SYT16: variants seen among roughly 807,000 people sequenced by gnomAD.
The protein encoded by SYT16 is synaptotagmin 16, also known as synaptotagmin-16.
In SYT16, 42 loss-of-function variants were observed where a neutral mutation model predicts 61.4. That is an observed-to-expected ratio of 0.68 (90% CI 0.53 to 0.89). The LOEUF (loss-of-function observed/expected upper bound fraction) is 0.89. Ranked by LOEUF, SYT16 falls within the 40% of genes least tolerant of loss-of-function variation. The probability of loss-of-function intolerance (pLI) is 0.00; values close to 1 mark genes in which losing one functional copy is unlikely to be tolerated. For missense variants in SYT16, 804 were observed against 807.3 expected (o/e 1.00, Z 0.05); for synonymous variants, 314 against 302.3 (o/e 1.04, Z -0.40).
chr14:61,859,676 T>C (rs2046907769), intron 1 of SYT16, among the ~76,000 whole-genome samples: 1 of 151,866 alleles, frequency 6.6e-6, no homozygotes, highest in Admixed American at 6.6e-5. Context: ...CCCCAGACAA[T>C]GTAGCCTCCT....
At chr14:62,057,973 T>C (rs1249169959) in intron 3 of SYT16, among the ~76,000 whole-genome samples, 6 of 152,208 alleles carry the variant, frequency 3.9e-5, no homozygotes, top group African/African-American at 1.4e-4. Context: ...ATGGATCTAT[T>C]TTCTGTCACT....
intron 4 of SYT16, among the ~76,000 whole-genome samples, chr14:62,071,486 A>G (rs964485189): frequency 2.6e-5 from 4 of 152,236 alleles, no homozygotes; most frequent in African/African-American, 9.6e-5. Flanking sequence ...TAAAGAGGAA[A>G]AAAATCTACT....
intron 1 of SYT16, chr14:61,865,244 A>C (rs1295431151): frequency 3.3e-6 from 3 of 918,198 alleles, no homozygotes; most frequent in Admixed American, 3.6e-5. Flanking sequence ...GCTGGACATC[A>C]GGCCTAAGAT....
intron 1 of SYT16, among the ~76,000 whole-genome samples, chr14:61,888,863 G>C (rs1274075417): frequency 2.6e-5 from 4 of 151,210 alleles, no homozygotes; most frequent in Non-Finnish European, 5.9e-5. Flanking sequence ...AAGGTACAAT[G>C]ATGAGGATAA....
intron 1 of SYT16, among the ~76,000 whole-genome samples, chr14:61,901,089 A>G (rs912137944): frequency 1.3e-5 from 2 of 152,184 alleles, no homozygotes; most frequent in Non-Finnish European, 2.9e-5. Context: ...CTCGTGATTC[A>G]GCCACCTTCA....
At chr14:62,075,529 A>C in intron 5 of SYT16, 138 bp downstream of exon 5, 1 of 976,840 alleles carries the variant, frequency 1.0e-6, no homozygotes, top group South Asian at 3.4e-5. Context: ...ATTTTTGTCC[A>C]GATGACCAAA....
chr14:61,864,576 C>G (rs550507035), intron 1 of SYT16, among the ~76,000 whole-genome samples: 1 of 152,394 alleles, frequency 6.6e-6, no homozygotes, highest in South Asian at 2.1e-4. Context: ...TGGCGAGGCA[C>G]TGGCTGCACA....
intron 1 of SYT16, among the ~76,000 whole-genome samples, chr14:61,918,124 T>C (rs1015614774): frequency 2.6e-5 from 4 of 152,180 alleles, no homozygotes; most frequent in African/African-American, 7.2e-5. Context: ...ATGGAACTTT[T>C]AGTTTTAGTA....
intron 3 of SYT16, among the ~76,000 whole-genome samples, chr14:62,049,579 C>G (rs140391223): frequency 0.017 from 2,547 of 152,286 alleles, 38 homozygotes; most frequent in South Asian, 0.031. Flanking sequence ...CCTTGATGGT[C>G]TTTACAATTT....
chr14:62,048,844 A>AT (rs754323393), intron 3 of SYT16, among the ~76,000 whole-genome samples: 2 of 152,020 alleles, frequency 1.3e-5, no homozygotes, highest in South Asian at 2.1e-4. Context: ...CTGAGAGACA[A>AT]TTTTTTATAA....
At chr14:61,926,644 G>A (rs1219316756) in intron 1 of SYT16, among the ~76,000 whole-genome samples, 2 of 152,152 alleles carry the variant, frequency 1.3e-5, no homozygotes, top group African/African-American at 4.8e-5. Context: ...ATTGGACTGA[G>A]GCAGTGGCCA....
intron 3 of SYT16, among the ~76,000 whole-genome samples, chr14:61,996,979 T>A (rs1434987728): frequency 6.6e-6 from 1 of 152,080 alleles, no homozygotes; most frequent in Non-Finnish European, 1.5e-5. Flanking sequence ...AGAACACTTC[T>A]CACAGTGTTT....
At chr14:61,822,340 G>A (rs971792988) in intron 1 of SYT16, among the ~76,000 whole-genome samples, 6 of 152,200 alleles carry the variant, frequency 3.9e-5, no homozygotes, top group Non-Finnish European at 7.3e-5. Flanking sequence ...TCCTCGTGGG[G>A]CCACCAGCCA....
At position 62,111,600 on chromosome 14, in the gene SYT16, G is replaced by C. The variant is rs2057609963; in HGVS notation, c.*10893G>C. 6.6e-6 allele frequency: 1 copy of C among 152,052 alleles called. No homozygotes were observed. Among genetic ancestry groups the C allele is most frequent in the Non-Finnish European group, 1.5e-5 (1 of 67,948 alleles). The allele number at this position is 152,052 out of a possible 1,614,324, so 9.4% of individuals were successfully genotyped here. ...CTTCCTCTAGATTTCTAAGTCACTA[G>C]AAGAATTTCTTGGCAAATTGATTGT... On this transcript the variant is annotated 3_prime_UTR_variant, in exon 8 of 8. Coordinates refer to ENST00000683842, the MANE Select transcript of SYT16 (RefSeq NM_001367656.1).
intron 2 of SYT16, among the ~76,000 whole-genome samples, chr14:61,976,900 T>C (rs1160187824): frequency 6.6e-6 from 1 of 152,080 alleles, no homozygotes; most frequent in East Asian, 1.9e-4. Flanking sequence ...ATAGTCAGGA[T>C]GCACATTTTC....
chr14:62,020,097 A>G, intron 3 of SYT16, among the ~76,000 whole-genome samples: 1 of 152,220 alleles, frequency 6.6e-6, no homozygotes, highest in East Asian at 1.9e-4. Flanking sequence ...AATCACATGT[A>G]GTGGTTCCTG....
At position 61,939,997 on chromosome 14, in the gene SYT16, C is replaced by CT. The variant is rs549094752; in HGVS notation, c.-324-30127dup. Among the ~76,000 whole-genome samples the CT allele has an allele frequency of 9.2e-5, 14 of 151,724 alleles. No individual in the cohort carries two copies. The South Asian group carries it at 1.0e-3, about 11-fold the overall frequency. ...AATCTTAGAATTAGCAGCCTTTCTC[C>CT]TTTTTTTTCAAAAAAACTCTGGCAA... On this transcript the variant is annotated intron_variant, in intron 1 of 7. Transcript: ENST00000683842.
intron 1 of SYT16, among the ~76,000 whole-genome samples, chr14:61,840,785 TAG>T (rs1470326580): frequency 1.3e-5 from 2 of 152,050 alleles, no homozygotes; most frequent in Non-Finnish European, 2.9e-5. Context: ...GATGAAGAGG[TAG>T]AGCTCATAAA....
intron 1 of SYT16, among the ~76,000 whole-genome samples, chr14:61,882,277 T>C (rs2047728207): frequency 6.6e-6 from 1 of 152,220 alleles, no homozygotes; most frequent in Non-Finnish European, 1.5e-5. Context: ...ATAAGTAATT[T>C]ATAGTTAATT....
Sources: allele counts gnomAD v4.1 joint callset (sites outside exome capture counted in the v4.1 genomes callset), GRCh38; gene constraint gnomAD v4.1.1; transcripts MANE v1.5; gene names NCBI Gene and HGNC (gene_info 2026-07-23, HGNC 2026-07-21).